KIAA0513: variants seen among roughly 807,000 people sequenced by gnomAD.
KIAA0513 encodes uncharacterized protein KIAA0513.
KIAA0513 carries 39 observed loss-of-function variants against 56.5 expected under a neutral mutation model. That is an observed-to-expected ratio of 0.69 (90% CI 0.53 to 0.90). The LOEUF (loss-of-function observed/expected upper bound fraction) is 0.90. Among genes scored for constraint, KIAA0513 ranks in the 40% least tolerant of loss-of-function variants. KIAA0513 has a pLI of 0.00. For missense variants in KIAA0513, 591 were observed against 535.2 expected (o/e 1.10, Z -1.03); for synonymous variants, 268 against 215.6 (o/e 1.24, Z -2.13).
intron 1 of KIAA0513, among the ~76,000 whole-genome samples, chr16:85,050,353 TTATTTA>T (rs76358657): frequency 0.014 from 1,276 of 88,662 alleles, 28 homozygotes; most frequent in African/African-American, 0.07. Context: ...ATTTATTTAT[TTATTTA>T]TTTTTTTTGA....
chr16:85,077,376 C>A (rs374093910), intron 5 of KIAA0513, 49 bp from the exon 6 acceptor site: 2 of 1,568,206 alleles, frequency 1.3e-6, no homozygotes, highest in East Asian at 2.2e-5. Flanking sequence ...AGTTAGCAGG[C>A]GCATACCCCA....
At chr16:85,031,502 C>G (rs1469485612) in intron 1 of KIAA0513, among the ~76,000 whole-genome samples, 1 of 152,152 alleles carries the variant, frequency 6.6e-6, no homozygotes. Flanking sequence ...CGTTTAAAAA[C>G]TCTTGAGTTA....
At chr16:85,051,648 T>A (rs1356246198) in intron 1 of KIAA0513, among the ~76,000 whole-genome samples, 5 of 152,150 alleles carry the variant, frequency 3.3e-5, no homozygotes, top group African/African-American at 9.7e-5. Flanking sequence ...CTTACACATT[T>A]AAAGACCACC....
Position 85,089,510 on chromosome 16 carries a change from C to G in KIAA0513, c.*1185C>G, listed in dbSNP as rs1034476829. 1 of 152,522 alleles carries G rather than the reference C, an allele frequency of 6.6e-6. No individual in the cohort carries two copies. Among genetic ancestry groups the G allele is most frequent in the Non-Finnish European group, 1.5e-5 (1 of 68,278 alleles). The allele number at this position is 152,522 out of a possible 1,614,324, so 9.4% of individuals were successfully genotyped here. A position where few individuals can be genotyped will look rare whatever the true frequency, so the allele number is the denominator to read the frequency against. On this transcript the variant is annotated 3_prime_UTR_variant, in exon 13 of 13. Coordinates refer to ENST00000683363, the MANE Select transcript of KIAA0513 (RefSeq NM_001388359.1). The surrounding 1 kb of genome is among the most constrained non-coding windows in gnomAD (Gnocchi z 4.2). ...CAGCCCATGGGCCCGGGGCCTGACC[C>G]CAACACCTGCATGCTGGGTCCAGAG...
In KIAA0513 at chr16:85,088,561, G is replaced by A. The variant is rs542286751; in HGVS notation, c.*236G>A. 35 of 554,370 alleles carry A rather than the reference G, an allele frequency of 6.3e-5. No individual in the cohort carries two copies. The highest frequency in any genetic ancestry group is 2.6e-4 in the South Asian group (12 of 45,648). The allele number at this position is 554,370 out of a possible 1,614,324, so 34.3% of individuals were successfully genotyped here. On this transcript the variant is annotated 3_prime_UTR_variant, in exon 13 of 13. Coordinates refer to ENST00000683363, the MANE Select transcript of KIAA0513 (RefSeq NM_001388359.1). The stretch of plus-strand genomic sequence containing the variant: ...TCCCTTGGGTCACACAGCTAAAGCC[G>A]AGGTGACCAGTTGTACCCCGAGTGC...
intron 8 of KIAA0513, among the ~76,000 whole-genome samples, chr16:85,079,976 C>G (rs1233071755): frequency 6.6e-6 from 1 of 152,174 alleles, no homozygotes; most frequent in Non-Finnish European, 1.5e-5. Flanking sequence ...TTTGCTAGCA[C>G]CTGGAATCAG....
chr16:85,067,113 T>C lies in KIAA0513; in HGVS notation c.42T>C (p.Phe14=), dbSNP rs752950457. 4 of 1,609,970 alleles carry C rather than the reference T, an allele frequency of 2.5e-6. 1 individual carries two copies. The South Asian group carries it at 4.4e-5, about 18-fold the overall frequency. The part of the protein sequence containing the change: ...PEVPVGSLID[F]GPEAPTSSPL... ...TCCCCGTGGGCTCGCTAATCGACTT[T>C]GGGCCTGAGGCACCCACCTCTTCTC... Residue 14 remains phenylalanine, a synonymous_variant, in exon 2 of 13, where the codon TTT becomes TTC. Coordinates refer to ENST00000683363, the MANE Select transcript of KIAA0513 (RefSeq NM_001388359.1).
chr16:85,047,372 C>G (rs973274416), intron 1 of KIAA0513, among the ~76,000 whole-genome samples: 1 of 152,180 alleles, frequency 6.6e-6, no homozygotes, highest in African/African-American at 2.4e-5. Context: ...ATCTCTCGAG[C>G]ACTTTCCGGT....
intron 1 of KIAA0513, among the ~76,000 whole-genome samples, chr16:85,051,380 A>G (rs1460164491): frequency 6.6e-6 from 1 of 152,132 alleles, no homozygotes; most frequent in African/African-American, 2.4e-5. Flanking sequence ...TTTAGTGGAG[A>G]AGAACTGCAT....
chr16:85,067,187 G>T lies in KIAA0513; in HGVS notation c.116G>T (p.Gly39Val), dbSNP rs750417716. Residue 39 changes from glycine (G) to valine (V), a missense_variant, in exon 2 of 13, where the codon GGG becomes GTG. Transcript: ENST00000683363. ...PVLQDGDGSL[G>V]DGASESETTE... Reference sequence around the variant, plus strand: ...CTGCAGGACGGCGATGGCTCCCTGGGGGACGGTGCATCAGAGAGTGAGACC... The same window carrying T: ...CTGCAGGACGGCGATGGCTCCCTGGTGGACGGTGCATCAGAGAGTGAGACC... The T allele has an allele frequency of 1.2e-6, 2 of 1,614,044 alleles. No individual in the cohort carries two copies. The highest frequency in any genetic ancestry group is 1.3e-5 in the African/African-American group (1 of 74,930).
rs1333564151 is a variant in KIAA0513 at position 85,093,103 on chromosome 16, C to A, written c.*4778C>A. On this transcript the variant is annotated 3_prime_UTR_variant, in exon 13 of 13. Transcript: ENST00000683363. The stretch of plus-strand genomic sequence containing the variant: ...ATGGGTGCCGCCGTGGGAGCCCTGC[C>A]TCTGGTGCTGGCAAGGGATTGGGTT... The A allele has an allele frequency of 6.6e-6, 1 of 152,420 alleles. No homozygotes were observed. Among genetic ancestry groups the A allele is most frequent in the African/African-American group, 2.4e-5 (1 of 41,450 alleles). The allele number at this position is 152,420 out of a possible 1,614,324, so 9.4% of individuals were successfully genotyped here.
At chr16:85,039,688 G>C (rs1193009786) in intron 1 of KIAA0513, among the ~76,000 whole-genome samples, 1 of 152,088 alleles carries the variant, frequency 6.6e-6, no homozygotes, top group East Asian at 1.9e-4. Flanking sequence ...GGCCAGGCTG[G>C]TCTTGAACTC....
chr16:85,032,910 A>G (rs2072985347), intron 1 of KIAA0513, among the ~76,000 whole-genome samples: 1 of 152,058 alleles, frequency 6.6e-6, no homozygotes, highest in Non-Finnish European at 1.5e-5. Flanking sequence ...GATTACAGGC[A>G]TAGAGACCGC....
chr16:85,028,203 ATGG>A (rs1191486294), intron 1 of KIAA0513, among the ~76,000 whole-genome samples: 2 of 152,042 alleles, frequency 1.3e-5, no homozygotes, highest in African/African-American at 4.8e-5. Flanking sequence ...CCCGGGGCAG[ATGG>A]TGGCAGCAGG....
At chr16:85,046,917 C>T (rs960937640) in intron 1 of KIAA0513, among the ~76,000 whole-genome samples, 1 of 152,186 alleles carries the variant, frequency 6.6e-6, no homozygotes, top group Non-Finnish European at 1.5e-5. Flanking sequence ...ATTCCAATGT[C>T]TCTGTTAGCT....
At chr16:85,044,767 A>T (rs1417925017) in intron 1 of KIAA0513, among the ~76,000 whole-genome samples, 3 of 151,736 alleles carry the variant, frequency 2.0e-5, no homozygotes, top group Non-Finnish European at 4.4e-5. Flanking sequence ...CAGCCTCCCA[A>T]AGTGCTGGGA....
At chr16:85,049,863 C>G (rs909612053) in intron 1 of KIAA0513, among the ~76,000 whole-genome samples, 1 of 152,210 alleles carries the variant, frequency 6.6e-6, no homozygotes, top group East Asian at 1.9e-4. Flanking sequence ...GGGAGCCTCT[C>G]CCTGTCCAGT....
chr16:85,056,942 C>T (rs1007668801), intron 1 of KIAA0513, among the ~76,000 whole-genome samples: 3 of 152,052 alleles, frequency 2.0e-5, no homozygotes, highest in East Asian at 1.9e-4. Flanking sequence ...TGGCTTCAAG[C>T]GAGCCTCCTG....
Position 85,077,522 on chromosome 16 carries a change from G to C in KIAA0513, c.672G>C (p.Lys224Asn). 1 of 1,614,208 alleles carries C rather than the reference G, an allele frequency of 6.2e-7. No individual in the cohort carries two copies. The highest frequency in any genetic ancestry group is 8.5e-7 in the Non-Finnish European group (1 of 1,180,040). The change falls in exon 6 of 13, where the codon AAG becomes AAC. Residue 224 changes from lysine to asparagine, a missense_variant. Lys to Asn is a moderately conservative substitution (Grantham distance 94). Coordinates refer to ENST00000683363, the MANE Select transcript of KIAA0513 (RefSeq NM_001388359.1). Reference protein sequence around the residue: ...KSANSWLAEKKDIAERLLKNT... With the variant: ...KSANSWLAEKNDIAERLLKNT... Reference sequence around the variant, plus strand: ...CAAACAGCTGGCTGGCCGAAAAGAAGGACATCGCCGAGCGGCTGCTGAAGA... The same window carrying C: ...CAAACAGCTGGCTGGCCGAAAAGAACGACATCGCCGAGCGGCTGCTGAAGA...
Sources: gnomAD v4.1 joint callset for allele counts (sites outside exome capture counted in the v4.1 genomes callset) on GRCh38, gnomAD v4.1.1 for gene constraint, Gnocchi (gnomAD v3.1) non-coding constraint, MANE v1.5 for transcripts, NCBI Gene and HGNC (gene_info 2026-07-23, HGNC 2026-07-21) for gene names.